The following MYO1E variants were observed in gnomAD, a reference collection of about 807,000 sequenced individuals.
The protein encoded by MYO1E is myosin IE.
MYO1E carries 68 observed loss-of-function variants against 151.1 expected under a neutral mutation model. The observed-to-expected ratio is 0.45, with a 90% confidence interval of 0.37 to 0.55. The LOEUF is 0.55. Among genes scored for constraint, MYO1E ranks in the 20% least tolerant of loss-of-function variants. The probability of loss-of-function intolerance (pLI) is 0.00; values close to 1 mark genes in which losing one functional copy is unlikely to be tolerated. For synonymous variants in MYO1E, 601 were observed against 501.7 expected, an observed-to-expected ratio of 1.20 and a Z score of -2.64; for missense variants, 1,363 against 1,389.3, an observed-to-expected ratio of 0.98 and a Z score of 0.30.
chr15:59,145,669 G>A (rs1442783705), intron 26 of MYO1E, among the ~76,000 whole-genome samples: 1 of 152,210 alleles, frequency 6.6e-6, no homozygotes, highest in Admixed American at 6.5e-5. Context: ...TGGGATTACA[G>A]TCGTGAGCCA....
intron 1 of MYO1E, among the ~76,000 whole-genome samples, chr15:59,308,468 T>TC (rs2140408728): frequency 6.6e-6 from 1 of 151,892 alleles, no homozygotes; most frequent in East Asian, 1.9e-4. Context: ...GGTCAGCAGT[T>TC]CGAAACCAGC....
chr15:59,260,029 C>A (rs990091347), intron 3 of MYO1E, among the ~76,000 whole-genome samples: 22 of 152,212 alleles, frequency 1.4e-4, no homozygotes, highest in African/African-American at 4.6e-4. Context: ...TCAGTAAATA[C>A]CAGTTTTACA....
At position 59,218,091 on chromosome 15, in the gene MYO1E, T is replaced by C. The variant is rs1350151202; in HGVS notation, c.911-4A>G. ...AGATATGCAGGAAAAGCTAAAACTG[T>C]AGAACATAAAACAAAACATGACAAT... On this transcript the variant is annotated splice_polypyrimidine_tract_variant and splice_region_variant and intron_variant, in intron 9 of 27. Coordinates refer to ENST00000288235, the MANE Select transcript of MYO1E (RefSeq NM_004998.4). 1.1e-5 allele frequency: 18 copies of C among 1,614,004 alleles called. No homozygotes were observed. Among genetic ancestry groups the C allele is most frequent in the Non-Finnish European group, 1.4e-5 (17 of 1,179,968 alleles).
intron 26 of MYO1E, among the ~76,000 whole-genome samples, chr15:59,152,464 G>A (rs749501691): frequency 6.6e-6 from 1 of 152,138 alleles, no homozygotes; most frequent in Non-Finnish European, 1.5e-5. Flanking sequence ...TTAGCAGACA[G>A]AGCCACTCCA....
intron 14 of MYO1E, chr15:59,207,274 A>C: frequency 6.2e-7 from 1 of 1,614,214 alleles, no homozygotes; most frequent in South Asian, 1.1e-5. Flanking sequence ...GGGTGAGACG[A>C]TGGATCTTCA....
At chr15:59,178,678 G>A in intron 18 of MYO1E, 141 bp from the exon 19 acceptor site, 1 of 1,153,440 alleles carries the variant, frequency 8.7e-7, no homozygotes. Flanking sequence ...GCGTTCGAAG[G>A]CTCAGGCGTG....
Position 59,231,580 on chromosome 15 carries a change from C to A in MYO1E, c.510+122G>T, listed in dbSNP as rs932621519. 8 of 1,061,850 alleles carry A rather than the reference C, an allele frequency of 7.5e-6. No homozygotes were observed. The Admixed American group carries it at 1.1e-4, about 15-fold the overall frequency. 65.8% of individuals were successfully genotyped at this position (1,061,850 alleles called of 1,614,324 possible). A position where few individuals can be genotyped will look rare whatever the true frequency, so the allele number is the denominator to read the frequency against. ...CTGCTATAGAAAATGAAGGAAAGAT[C>A]GAAGAGGTGGCCTCCTGATGATATG... is the stretch of plus-strand genomic sequence containing the variant. On this transcript the variant is annotated intron_variant, in intron 6 of 27. Coordinates refer to ENST00000288235, the MANE Select transcript of MYO1E (RefSeq NM_004998.4).
At chr15:59,258,274 G>C (rs2080205381) in intron 3 of MYO1E, among the ~76,000 whole-genome samples, 1 of 152,344 alleles carries the variant, frequency 6.6e-6, no homozygotes, top group South Asian at 2.1e-4. Flanking sequence ...TTGAATCCAG[G>C]AGGTGGAGGT....
At chr15:59,251,266 A>G (rs1307355553) in intron 4 of MYO1E, among the ~76,000 whole-genome samples, 1 of 152,206 alleles carries the variant, frequency 6.6e-6, no homozygotes, top group Non-Finnish European at 1.5e-5. Flanking sequence ...ATAACCTTAA[A>G]CTTGTAGAAA....
chr15:59,315,697 C>G (rs1488662336), intron 1 of MYO1E, among the ~76,000 whole-genome samples: 1 of 152,146 alleles, frequency 6.6e-6, no homozygotes, highest in African/African-American at 2.4e-5. Flanking sequence ...ATTGAATGAG[C>G]TCTTGTATGT....
chr15:59,330,620 A>T (rs1567016734), intron 1 of MYO1E, among the ~76,000 whole-genome samples: 1 of 152,178 alleles, frequency 6.6e-6, no homozygotes, highest in East Asian at 1.9e-4. Context: ...TCCTTGATTC[A>T]ACTTGCAGGT....
At chr15:59,353,789 C>T (rs942515732) in intron 1 of MYO1E, among the ~76,000 whole-genome samples, 3 of 150,468 alleles carry the variant, frequency 2.0e-5, no homozygotes, top group Admixed American at 6.6e-5. Context: ...AAGAAAAAAA[C>T]GCAAAGGTAA....
chr15:59,233,450 G>C (rs1219251234), intron 5 of MYO1E, among the ~76,000 whole-genome samples: 1 of 152,012 alleles, frequency 6.6e-6, no homozygotes, highest in African/African-American at 2.4e-5. Flanking sequence ...CGGATCATGA[G>C]GTCAACAGAT....
At chr15:59,283,243 C>T (rs1303199302) in intron 1 of MYO1E, among the ~76,000 whole-genome samples, 1 of 151,976 alleles carries the variant, frequency 6.6e-6, no homozygotes, top group African/African-American at 2.4e-5. Flanking sequence ...TTGAGGTTCC[C>T]ACCACACCAT....
rs548621784 is a variant in MYO1E at position 59,363,221 on chromosome 15, C to T, written c.3+9277G>A. Among the ~76,000 whole-genome samples the T allele has an allele frequency of 8.5e-5, 13 of 152,300 alleles. 1 individual carries two copies. The South Asian group carries it at 2.3e-3, about 27-fold the overall frequency. ...CTCGATCTCCTGACCTCGTGATCCA[C>T]CCGCCTCGGCCTCCCAAGGTGCTGG... On this transcript the variant is annotated intron_variant, in intron 1 of 27. Transcript: ENST00000288235.
In MYO1E at chr15:59,372,866, A is replaced by C; in HGVS notation, c.-366T>G. On this transcript the variant is annotated 5_prime_UTR_variant, in exon 1 of 28. Coordinates refer to ENST00000288235, the MANE Select transcript of MYO1E (RefSeq NM_004998.4). Reference sequence around the variant, plus strand: ...CACTTAATCCGTACTCCTCTGGCTGAGTCTCGGCTCGGGCCGGGCAATCTG... The same window carrying C: ...CACTTAATCCGTACTCCTCTGGCTGCGTCTCGGCTCGGGCCGGGCAATCTG... 1 of 331,894 alleles carries C rather than the reference A, an allele frequency of 3.0e-6. No homozygotes were observed. Among genetic ancestry groups the C allele is most frequent in the Admixed American group, 4.6e-5 (1 of 21,670 alleles). The allele number at this position is 331,894 out of a possible 1,614,324, so 20.6% of individuals were successfully genotyped here.
intron 26 of MYO1E, among the ~76,000 whole-genome samples, chr15:59,149,268 G>C (rs2079462330): frequency 6.6e-6 from 1 of 152,052 alleles, no homozygotes; most frequent in African/African-American, 2.4e-5. Flanking sequence ...GTGTTAATCA[G>C]GATGGTCTTG....
intron 1 of MYO1E, among the ~76,000 whole-genome samples, chr15:59,361,474 A>G (rs745487714): frequency 6.6e-5 from 10 of 152,154 alleles, no homozygotes; most frequent in Non-Finnish European, 1.2e-4. Flanking sequence ...ATAACCTGAC[A>G]TAGATCCAAA....
In MYO1E at chr15:59,350,998, G is replaced by A. The variant is rs1489977208; in HGVS notation, c.3+21500C>T. On this transcript the variant is annotated intron_variant, in intron 1 of 27. Coordinates refer to ENST00000288235, the MANE Select transcript of MYO1E (RefSeq NM_004998.4). This position sits in a 1 kb window ranked among gnomAD's most constrained non-coding sequence, Gnocchi z 5.0. ...TGCAAGCTCCGCCTCCCAGGTTCAC[G>A]CCATTCTCCAGCCTCAGCCTCCAGA... is the stretch of plus-strand genomic sequence containing the variant. 2.0e-5 allele frequency among the ~76,000 whole-genome samples: 3 copies of A among 152,312 alleles called. No individual in the cohort carries two copies. The highest frequency in any genetic ancestry group is 1.9e-4 in the East Asian group (1 of 5,194).
Sources: gnomAD v4.1 joint callset for allele counts (sites outside exome capture counted in the v4.1 genomes callset) on GRCh38, gnomAD v4.1.1 for gene constraint, Gnocchi (gnomAD v3.1) non-coding constraint, MANE v1.5 for transcripts, NCBI Gene and HGNC (gene_info 2026-07-23, HGNC 2026-07-21) for gene names.